Variants in ARID5A observed in about 807,000 individuals in gnomAD.
The protein encoded by ARID5A is AT-rich interaction domain 5A.
Under a neutral mutation model 30.5 loss-of-function variants are expected in ARID5A, and 14 were observed. That is an observed-to-expected ratio of 0.46 (90% CI 0.30 to 0.72). The LOEUF is 0.72. Among genes scored for constraint, ARID5A ranks in the 30% least tolerant of loss-of-function variants. The pLI is 0.07. For missense variants in ARID5A, 669 were observed against 786.2 expected (o/e 0.85, Z 1.78); for synonymous variants, 338 against 340.4 (o/e 0.99, Z 0.08).
At chr2:96,538,548 C>T (rs1213922750) in intron 1 of ARID5A, among the ~76,000 whole-genome samples, 1 of 152,226 alleles carries the variant, frequency 6.6e-6, no homozygotes, top group Non-Finnish European at 1.5e-5. Context: ...CGCGTTTCTT[C>T]TCACTGCTGG....
rs1335141491 is a variant in ARID5A at position 96,550,304 on chromosome 2, G to A, written c.410+19G>A. 2.1e-6 allele frequency: 3 copies of A among 1,433,344 alleles called. No individual in the cohort carries two copies. The highest frequency in any genetic ancestry group is 3.0e-5 in the Admixed American group (1 of 33,260). The allele number at this position is 1,433,344 out of a possible 1,614,324, so 88.8% of individuals were successfully genotyped here. On this transcript the variant is annotated intron_variant, in intron 5 of 6. Transcript: ENST00000357485. The surrounding 1 kb of genome is among the most constrained non-coding windows in gnomAD (Gnocchi z 6.6). ...ACGAGAGGTACGGCGGGGCGGGCCC[G>A]GGTGCTGGACGCCGCCTACCCTGCG...
intron 1 of ARID5A, among the ~76,000 whole-genome samples, chr2:96,540,200 C>T (rs945298545): frequency 2.6e-5 from 4 of 152,242 alleles, no homozygotes; most frequent in African/African-American, 7.2e-5. Context: ...CCTATGGGAG[C>T]ATCCTCTACT....
chr2:96,541,980 G>A (rs1477211080), intron 1 of ARID5A, among the ~76,000 whole-genome samples: 1 of 152,198 alleles, frequency 6.6e-6, no homozygotes, highest in Non-Finnish European at 1.5e-5. Context: ...CTCCTCCACA[G>A]AGCCAGGAGA....
rs1450254300 is a variant in ARID5A, at chr2:96,550,122, G to A, written c.313-66G>A. The A allele has an allele frequency of 3.3e-5, 50 of 1,531,548 alleles. No homozygotes were observed. Among genetic ancestry groups the A allele is most frequent in the Non-Finnish European group, 4.0e-5 (46 of 1,143,694 alleles). The allele number at this position is 1,531,548 out of a possible 1,614,324, so 94.9% of individuals were successfully genotyped here. A position where few individuals can be genotyped will look rare whatever the true frequency, so the allele number is the denominator to read the frequency against. On this transcript the variant is annotated intron_variant, in intron 4 of 6. Transcript: ENST00000357485. This position sits in a 1 kb window ranked among gnomAD's most constrained non-coding sequence, Gnocchi z 6.6. ...CCTTCGAGTCCCTGCGAGGGCGGCC[G>A]GAGCTGCAAGGACCCCGCCGCCAGG...
Position 96,551,136 on chromosome 2 carries a change from C to G in ARID5A, c.608C>G (p.Pro203Arg). ...AAGACCAAAGCAGATGCTGCTGACC[C>G]AGCACCACTTCCCAGCCAGGAGCCC... ...PGKTKADAAD[P>R]APLPSQEPPR... Residue 203 changes from proline to arginine, a missense_variant, in exon 7 of 7, where the codon CCA becomes CGA. By Grantham distance (103) the Pro-to-Arg change is moderately radical. Around this residue, in one of 4 missense-constraint regions of ARID5A, gnomAD observed 548 missense variants for 577.4 expected, o/e 0.95. Coordinates refer to ENST00000357485, the MANE Select transcript of ARID5A (RefSeq NM_212481.3). 1 of 1,613,586 alleles carries G rather than the reference C, an allele frequency of 6.2e-7. No homozygotes were observed. The highest frequency in any genetic ancestry group is 8.5e-7 in the Non-Finnish European group (1 of 1,179,840).
chr2:96,552,552 C>T lies in ARID5A; in HGVS notation c.*239C>T. On this transcript the variant is annotated 3_prime_UTR_variant, in exon 7 of 7. Coordinates refer to ENST00000357485, the MANE Select transcript of ARID5A (RefSeq NM_212481.3). ...TTATAAGGCGCTGGGAGAGGATGGG[C>T]AGCTCCCACTGCCCCAGAGCGGAGC... The T allele has an allele frequency of 6.6e-7, 1 of 1,525,470 alleles. No individual in the cohort carries two copies. Among genetic ancestry groups the T allele is most frequent in the African/African-American group, 1.4e-5 (1 of 72,908 alleles). The allele number at this position is 1,525,470 out of a possible 1,614,324, so 94.5% of individuals were successfully genotyped here. A position where few individuals can be genotyped will look rare whatever the true frequency, so the allele number is the denominator to read the frequency against.
In ARID5A at chr2:96,549,935, C is replaced by G. The variant is rs2065996905; in HGVS notation, c.312+130C>G. 3 of 1,527,698 alleles carry G rather than the reference C, an allele frequency of 2.0e-6. No individual in the cohort carries two copies. The Admixed American group carries it at 6.1e-5, about 31-fold the overall frequency. The allele number at this position is 1,527,698 out of a possible 1,614,324, so 94.6% of individuals were successfully genotyped here. A position where few individuals can be genotyped will look rare whatever the true frequency, so the allele number is the denominator to read the frequency against. ...TACCCCTGCGTCCCTGCCTCCCTGC[C>G]TTCCCCGCTGGTACTCTGCTGCTCA... On this transcript the variant is annotated intron_variant, in intron 4 of 6. Coordinates refer to ENST00000357485, the MANE Select transcript of ARID5A (RefSeq NM_212481.3). This position sits in a 1 kb window ranked among gnomAD's most constrained non-coding sequence, Gnocchi z 6.1.
chr2:96,551,007 G>T, intron 6 of ARID5A, 92 bp from the exon 7 acceptor site: 3 of 1,425,916 alleles, frequency 2.1e-6, no homozygotes, highest in Non-Finnish European at 2.9e-6. Context: ...GCTGGCGGGG[G>T]ACCTGGGCAG....
At position 96,550,915 on chromosome 2, in the gene ARID5A, C is replaced by T. The variant is rs2066026589; in HGVS notation, c.570+182C>T. Among the ~76,000 whole-genome samples, 2 of 152,266 alleles carry T rather than the reference C, an allele frequency of 1.3e-5. No individual in the cohort carries two copies. The highest frequency in any genetic ancestry group is 3.4e-3 in the Middle Eastern group (1 of 294). On this transcript the variant is annotated intron_variant, in intron 6 of 6. Coordinates refer to ENST00000357485, the MANE Select transcript of ARID5A (RefSeq NM_212481.3). The surrounding 1 kb of genome is among the most constrained non-coding windows in gnomAD (Gnocchi z 6.6). Reference sequence around the variant, plus strand: ...CAAGTGGACTCTGAACTCCAGCCTGCGCCCACCCACCAGGCACCTGAGGCT... The same window carrying T: ...CAAGTGGACTCTGAACTCCAGCCTGTGCCCACCCACCAGGCACCTGAGGCT...
chr2:96,547,632 C>T, intron 2 of ARID5A, 115 bp downstream of exon 2: 1 of 927,612 alleles, frequency 1.1e-6, no homozygotes. Flanking sequence ...AGATATGTTC[C>T]TACCCTGGCC....
chr2:96,551,971 C>T lies in ARID5A; in HGVS notation c.1443C>T (p.Ser481=), dbSNP rs368019768. The T allele has an allele frequency of 1.2e-4, 184 of 1,519,574 alleles. No homozygotes were observed. The highest frequency in any genetic ancestry group is 2.0e-4 in the Admixed American group (9 of 45,070). The allele number at this position is 1,519,574 out of a possible 1,614,324, so 94.1% of individuals were successfully genotyped here. ...AKKCGAKPAG[S]GLVSCLLGPA... Reference sequence around the variant, plus strand: ...AGTGTGGGGCCAAACCTGCAGGGTCCGGCCTGGTCTCCTGCCTTCTGGGCC... The same window carrying T: ...AGTGTGGGGCCAAACCTGCAGGGTCTGGCCTGGTCTCCTGCCTTCTGGGCC... Residue 481 remains serine, a synonymous_variant, in exon 7 of 7, where the codon TCC becomes TCT. Coordinates refer to ENST00000357485, the MANE Select transcript of ARID5A (RefSeq NM_212481.3).
At position 96,537,797 on chromosome 2, in the gene ARID5A, G is replaced by A; in HGVS notation, c.4+967G>A. 1 of 929,740 alleles carries A rather than the reference G, an allele frequency of 1.1e-6. No individual in the cohort carries two copies. The highest frequency in any genetic ancestry group is 1.3e-6 in the Non-Finnish European group (1 of 779,106). The allele number at this position is 929,740 out of a possible 1,614,324, so 57.6% of individuals were successfully genotyped here. On this transcript the variant is annotated intron_variant, in intron 1 of 6. Coordinates refer to ENST00000357485, the MANE Select transcript of ARID5A (RefSeq NM_212481.3). The surrounding 1 kb of genome is among the most constrained non-coding windows in gnomAD (Gnocchi z 4.8). ...GTCACCCTCCGCCCAGCGCCGGCGT[G>A]GTGGGGCTTGCGCGGTGCAGGACCC...
At position 96,550,163 on chromosome 2, in the gene ARID5A, G is replaced by A. The variant is rs1477741728; in HGVS notation, c.313-25G>A. The A allele has an allele frequency of 2.0e-6, 3 of 1,532,474 alleles. No individual in the cohort carries two copies. The highest frequency in any genetic ancestry group is 2.5e-5 in the East Asian group (1 of 40,432). The allele number at this position is 1,532,474 out of a possible 1,614,324, so 94.9% of individuals were successfully genotyped here. A position where few individuals can be genotyped will look rare whatever the true frequency, so the allele number is the denominator to read the frequency against. ...CGCCGCCAGGGGGCGCCCGCCGGCC[G>A]CGCCCTCACGAGGTGCCCTTGCAGG... On this transcript the variant is annotated intron_variant, in intron 4 of 6. Transcript: ENST00000357485. The surrounding 1 kb of genome is among the most constrained non-coding windows in gnomAD (Gnocchi z 6.6).
chr2:96,541,303 T>A (rs905920421), intron 1 of ARID5A, among the ~76,000 whole-genome samples: 1 of 152,338 alleles, frequency 6.6e-6, no homozygotes, highest in East Asian at 1.9e-4. Flanking sequence ...CCCAAAGTGT[T>A]TTTGTTTTTG....
intron 1 of ARID5A, among the ~76,000 whole-genome samples, chr2:96,542,982 A>G (rs963215815): frequency 2.0e-5 from 3 of 152,230 alleles, no homozygotes; most frequent in Non-Finnish European, 2.9e-5. Flanking sequence ...ACTGAAGCAC[A>G]GAGTCACAGA....
At position 96,539,261 on chromosome 2, in the gene ARID5A, T is replaced by C. The variant is rs1431042987; in HGVS notation, c.4+2431T>C. 1.3e-5 allele frequency among the ~76,000 whole-genome samples: 2 copies of C among 152,222 alleles called. No individual in the cohort carries two copies. Among genetic ancestry groups the C allele is most frequent in the Non-Finnish European group, 2.9e-5 (2 of 68,032 alleles). On this transcript the variant is annotated intron_variant, in intron 1 of 6. Transcript: ENST00000357485. The surrounding 1 kb of genome is among the most constrained non-coding windows in gnomAD (Gnocchi z 4.7). ...ACCAACTTGGTAAGAGGTGCAGCCA[T>C]GCAGTGCTGGAACCCCTTGCCCCAT...
rs1469422616 is a variant in ARID5A, at chr2:96,550,004, T to C, written c.313-184T>C. The C allele has an allele frequency of 6.5e-7, 1 of 1,534,396 alleles. No homozygotes were observed. Among genetic ancestry groups the C allele is most frequent in the Non-Finnish European group, 8.7e-7 (1 of 1,146,304 alleles). ...CCCCATCTGTTCTGCCCGCCCCGTG[T>C]TGGGAAAACTGCTTGGGCCAGCAGT... On this transcript the variant is annotated intron_variant, in intron 4 of 6. Coordinates refer to ENST00000357485, the MANE Select transcript of ARID5A (RefSeq NM_212481.3). This position sits in a 1 kb window ranked among gnomAD's most constrained non-coding sequence, Gnocchi z 6.6.
At position 96,550,559 on chromosome 2, in the gene ARID5A, G is replaced by T. The variant is rs377598098; in HGVS notation, c.411-15G>T. The T allele has an allele frequency of 3.1e-6, 5 of 1,588,876 alleles. No homozygotes were observed. The highest frequency in any genetic ancestry group is 4.3e-6 in the Non-Finnish European group (5 of 1,168,772). On this transcript the variant is annotated splice_polypyrimidine_tract_variant and intron_variant, in intron 5 of 6. Transcript: ENST00000357485. This position sits in a 1 kb window ranked among gnomAD's most constrained non-coding sequence, Gnocchi z 6.6. Reference sequence around the variant, plus strand: ...GGCGCCGGCCTCCTGGGGGACATGCGTGGTTCCTCACCAGGCTGGTCCTGC... The same window carrying T: ...GGCGCCGGCCTCCTGGGGGACATGCTTGGTTCCTCACCAGGCTGGTCCTGC...
chr2:96,549,430 A>C lies in ARID5A; in HGVS notation c.230A>C (p.Glu77Ala). ...KFMKERHTPI[E>A]RVPHLGFKQI... ...ATGAAGGAGCGACACACGCCCATCGAGAGGGTGCCCCATCTCGGCTTCAAG... is the reference window on the plus strand; with the variant it reads ...ATGAAGGAGCGACACACGCCCATCGCGAGGGTGCCCCATCTCGGCTTCAAG... The change falls in exon 3 of 7, where the codon GAG becomes GCG. Residue 77 changes from glutamate to alanine, a missense_variant. Physicochemically the swap from Glu to Ala is moderately radical, Grantham distance 107. Transcript: ENST00000357485. The surrounding 1 kb of genome is among the most constrained non-coding windows in gnomAD (Gnocchi z 6.1). The C allele has an allele frequency of 6.2e-7, 1 of 1,613,782 alleles. No individual in the cohort carries two copies. The highest frequency in any genetic ancestry group is 8.5e-7 in the Non-Finnish European group (1 of 1,179,872).
Sources: gnomAD v4.1 joint callset for allele counts (sites outside exome capture counted in the v4.1 genomes callset) on GRCh38, gnomAD v4.1.1 for gene constraint, gnomAD v4.1.1 regional missense constraint, Gnocchi (gnomAD v3.1) non-coding constraint, MANE v1.5 for transcripts, NCBI Gene and HGNC (gene_info 2026-07-23, HGNC 2026-07-21) for gene names.